The following MYLK4 variants were observed in gnomAD, a reference collection of about 807,000 sequenced individuals.
MYLK4 encodes the protein myosin light chain kinase family member 4.
A neutral mutation model predicts 48.1 loss-of-function variants in MYLK4; 46 were observed. The ratio of observed to expected loss-of-function variants is 0.96; its 90% confidence interval spans 0.75 to 1.22. The LOEUF (loss-of-function observed/expected upper bound fraction) is 1.22. Among genes scored for constraint, MYLK4 ranks in the 50% most tolerant of loss-of-function variants. The pLI, the probability that MYLK4 is intolerant of heterozygous loss-of-function variation, is 0.00. For missense variants in MYLK4, 451 were observed against 486.1 expected, an observed-to-expected ratio of 0.93 and a Z score of 0.68; for synonymous variants, 170 against 180.8, an observed-to-expected ratio of 0.94 and a Z score of 0.48.
rs1450268754 is a variant in MYLK4, at chr6:2,685,223, G to A, written c.545+73C>T. 6.4e-6 allele frequency: 7 copies of A among 1,098,828 alleles called. No individual in the cohort carries two copies. The highest frequency in any genetic ancestry group is 6.1e-5 in the African/African-American group (4 of 65,348). 68.1% of individuals were successfully genotyped at this position (1,098,828 alleles called of 1,614,324 possible). A position where few individuals can be genotyped will look rare whatever the true frequency, so the allele number is the denominator to read the frequency against. On this transcript the variant is annotated intron_variant, in intron 6 of 12. Coordinates refer to ENST00000274643, the MANE Select transcript of MYLK4 (RefSeq NM_001012418.5). The surrounding 1 kb of genome is among the most constrained non-coding windows in gnomAD (Gnocchi z 4.5). Reference sequence around the variant, plus strand: ...GGTTCTGGTCCCGCTACAGCAGGACGGAGCTACTGAGGCACGGTCACGGTC... The same window carrying A: ...GGTTCTGGTCCCGCTACAGCAGGACAGAGCTACTGAGGCACGGTCACGGTC...
At chr6:2,739,724 C>T (rs1418544909) in intron 2 of MYLK4, among the ~76,000 whole-genome samples, 3 of 152,216 alleles carry the variant, frequency 2.0e-5, no homozygotes, top group Non-Finnish European at 4.4e-5. Context: ...CCAGGAGGCA[C>T]TGTACAGGTT....
intron 2 of MYLK4, among the ~76,000 whole-genome samples, chr6:2,737,900 T>A (rs1345838019): frequency 4.6e-5 from 2 of 43,514 alleles, no homozygotes; most frequent in Admixed American, 5.9e-4. Flanking sequence ...TTCATGTAGC[T>A]TTTTTTTTTT....
At chr6:2,683,633 G>A (rs1335657308) in intron 6 of MYLK4, among the ~76,000 whole-genome samples, 1 of 152,114 alleles carries the variant, frequency 6.6e-6, no homozygotes, top group African/African-American at 2.4e-5. Flanking sequence ...TGGCCAGGCT[G>A]GTTTCGAACT....
chr6:2,767,219 C>T, the MYLK4 span, among the ~76,000 whole-genome samples: 1 of 152,030 alleles, frequency 6.6e-6, no homozygotes, highest in South Asian at 2.1e-4. Context: ...ATTGGAAAAA[C>T]ACTTGAGAAA....
chr6:2,750,282 T>G (rs1178366035), intron 1 of MYLK4, among the ~76,000 whole-genome samples: 3 of 152,330 alleles, frequency 2.0e-5, no homozygotes, highest in Non-Finnish European at 2.9e-5. Flanking sequence ...TCAGTTCCTA[T>G]AGTAAAATGA....
chr6:2,762,490 G>A, the MYLK4 span, among the ~76,000 whole-genome samples: 2 of 152,158 alleles, frequency 1.3e-5, no homozygotes, highest in African/African-American at 2.4e-5. Flanking sequence ...TGGGTTAATT[G>A]ATCATGTGGC....
intron 2 of MYLK4, chr6:2,744,073 T>C (rs923985557): frequency 1.8e-5 from 7 of 399,058 alleles, no homozygotes; most frequent in South Asian, 2.6e-4. Context: ...TTGGCTTATA[T>C]GTTCCTTCCC....
upstream of MYLK4, among the ~76,000 whole-genome samples, chr6:2,752,977 T>C (rs193153393): frequency 6.6e-6 from 1 of 152,332 alleles, no homozygotes; most frequent in Admixed American, 6.5e-5. Context: ...CATTCTGGTC[T>C]ATCAGCCTAG....
chr6:2,735,228 A>G lies in MYLK4; in HGVS notation c.159+13908T>C, dbSNP rs113462495. On this transcript the variant is annotated intron_variant, in intron 2 of 12. Transcript: ENST00000274643. ...AGGTTGCCTTCTTCTTCATAAAGGG[A>G]CAGAAAGCACCCAGAACTACAGGTA... Among the ~76,000 whole-genome samples the G allele has an allele frequency of 9.7e-3, 1,470 of 152,306 alleles. 31 individuals are homozygous for G. The highest frequency in any genetic ancestry group is 0.032 in the African/African-American group (1,322 of 41,544).
At chr6:2,767,930 T>G in the MYLK4 span, among the ~76,000 whole-genome samples, 1 of 152,202 alleles carries the variant, frequency 6.6e-6, no homozygotes, top group Non-Finnish European at 1.5e-5. Context: ...TCTACAACTT[T>G]TAGAAAAGAA....
intron 2 of MYLK4, 107 bp downstream of exon 2, chr6:2,749,029 G>T: frequency 1.0e-6 from 1 of 957,716 alleles, no homozygotes; most frequent in Non-Finnish European, 1.6e-6. Flanking sequence ...GTGGAATGAT[G>T]CCTATTCATA....
At chr6:2,762,513 AT>A in the MYLK4 span, among the ~76,000 whole-genome samples, 1 of 148,576 alleles carries the variant, frequency 6.7e-6, no homozygotes, top group Admixed American at 6.7e-5. Context: ...CGTTATCTCT[AT>A]AAATGTTTAA....
chr6:2,671,187 G>C, intron 12 of MYLK4, 89 bp downstream of exon 12: 1 of 924,200 alleles, frequency 1.1e-6, no homozygotes, highest in South Asian at 1.5e-5. Flanking sequence ...TCTTCTTCCT[G>C]CATAGTCTGT....
chr6:2,745,817 T>C (rs1208835376), intron 2 of MYLK4, among the ~76,000 whole-genome samples: 1 of 150,906 alleles, frequency 6.6e-6, no homozygotes, highest in Non-Finnish European at 1.5e-5. Flanking sequence ...CCCAGCTACT[T>C]GGGAGGCTGA....
intron 2 of MYLK4, among the ~76,000 whole-genome samples, chr6:2,716,159 C>A (rs1426637986): frequency 6.6e-6 from 1 of 152,224 alleles, no homozygotes; most frequent in Admixed American, 6.5e-5. Context: ...TTCCTAATTT[C>A]TTTCCCTCAT....
At chr6:2,682,675 G>C (rs1017779035) in intron 7 of MYLK4, among the ~76,000 whole-genome samples, 4 of 152,208 alleles carry the variant, frequency 2.6e-5, no homozygotes, top group Middle Eastern at 3.2e-3. Context: ...TTCTGAGTTA[G>C]CTAAAATCCT....
In MYLK4 at chr6:2,673,553, A is replaced by G. The variant is rs923032001; in HGVS notation, c.1119+1494T>C. On this transcript the variant is annotated intron_variant, in intron 11 of 12. Coordinates refer to ENST00000274643, the MANE Select transcript of MYLK4 (RefSeq NM_001012418.5). The surrounding 1 kb of genome is among the most constrained non-coding windows in gnomAD (Gnocchi z 4.2). The stretch of plus-strand genomic sequence containing the variant: ...GAAGAAACAAAAACGTATCAAACCC[A>G]TGCTATACCAGGGCAGGGCACCAGC... 6.6e-6 allele frequency among the ~76,000 whole-genome samples: 1 copy of G among 152,190 alleles called. No homozygotes were observed. Among genetic ancestry groups the G allele is most frequent in the African/African-American group, 2.4e-5 (1 of 41,456 alleles).
intron 2 of MYLK4, among the ~76,000 whole-genome samples, chr6:2,704,539 G>T (rs545636162): frequency 6.6e-6 from 1 of 152,224 alleles, no homozygotes; most frequent in Admixed American, 6.5e-5. Context: ...ACATTCATTT[G>T]CTTAGTGTAT....
the MYLK4 span, among the ~76,000 whole-genome samples, chr6:2,764,419 G>A: frequency 2.0e-5 from 3 of 152,092 alleles, no homozygotes; most frequent in Non-Finnish European, 2.9e-5. Flanking sequence ...GACCCTCAAT[G>A]TGCTCTTGCC....
Sources: allele counts gnomAD v4.1 joint callset (sites outside exome capture counted in the v4.1 genomes callset), GRCh38; gene constraint gnomAD v4.1.1; non-coding constraint Gnocchi (gnomAD v3.1); transcripts MANE v1.5; gene names NCBI Gene and HGNC (gene_info 2026-07-23, HGNC 2026-07-21).